The following ELL variants were observed in gnomAD, a reference collection of about 807,000 sequenced individuals.
ELL encodes the protein RNA polymerase II elongation factor ELL.
Under a neutral mutation model 64.0 loss-of-function variants are expected in ELL, and 18 were observed. That is an observed-to-expected ratio of 0.28 (90% CI 0.19 to 0.42). ELL has a LOEUF of 0.42. Ranked by LOEUF, ELL falls within the 10% of genes least tolerant of loss-of-function variation. The pLI is 1.00. For missense variants in ELL, 797 were observed against 870.4 expected (o/e 0.92, Z 1.06); for synonymous variants, 399 against 376.2 (o/e 1.06, Z -0.70).
chr19:18,445,525 G>C, intron 10 of ELL: 1 of 118,788 alleles, frequency 8.4e-6, no homozygotes, highest in Non-Finnish European at 1.6e-5. Context: ...GGACAAGGAA[G>C]TATCCATGTC....
intron 1 of ELL, among the ~76,000 whole-genome samples, chr19:18,518,458 C>G (rs559654670): frequency 6.6e-6 from 1 of 150,610 alleles, no homozygotes; most frequent in Non-Finnish European, 1.5e-5. Flanking sequence ...CCATTGCACT[C>G]CAGCCTGGAC....
chr19:18,455,303 CAAGATGGTGAA>C (rs1449014354), intron 6 of ELL, among the ~76,000 whole-genome samples: 1 of 150,744 alleles, frequency 6.6e-6, no homozygotes, highest in Admixed American at 6.6e-5. Flanking sequence ...CCAGCCTGGC[CAAGATGGTGAA>C]ACCCCATCTC....
chr19:18,476,993 G>A (rs914125330), intron 1 of ELL, among the ~76,000 whole-genome samples: 4 of 152,138 alleles, frequency 2.6e-5, no homozygotes, highest in African/African-American at 9.7e-5. Flanking sequence ...CTACAGACAC[G>A]TGAAGCAGCA....
intron 1 of ELL, among the ~76,000 whole-genome samples, chr19:18,477,993 A>C (rs1975215319): frequency 6.6e-6 from 1 of 152,160 alleles, no homozygotes; most frequent in African/African-American, 2.4e-5. Context: ...CACAGAAAGC[A>C]GCTGGGGTGC....
chr19:18,445,462 G>A (rs898821539), intron 10 of ELL, 194 bp from the exon 11 acceptor site: 28 of 592,282 alleles, frequency 4.7e-5, no homozygotes, highest in Admixed American at 1.6e-4. Context: ...AAAGGCTGCC[G>A]GGTCCCCTGG....
chr19:18,513,648 C>G (rs1976072833), intron 1 of ELL, among the ~76,000 whole-genome samples: 1 of 152,130 alleles, frequency 6.6e-6, no homozygotes, highest in Admixed American at 6.5e-5. Context: ...AACAGGAGTT[C>G]AGGCTGGGCC....
intron 10 of ELL, 84 bp downstream of exon 10, chr19:18,446,225 A>AGCAGGCTACTAG: frequency 7.1e-7 from 1 of 1,413,740 alleles, no homozygotes; most frequent in South Asian, 1.5e-5. Context: ...GGGGCCACCA[A>AGCAGGCTACTAG]GCTCGTGGTG....
intron 5 of ELL, among the ~76,000 whole-genome samples, chr19:18,460,679 T>C (rs1433287996): frequency 1.3e-5 from 2 of 152,208 alleles, no homozygotes; most frequent in Non-Finnish European, 2.9e-5. Flanking sequence ...GAACGTCCTT[T>C]ATACAGCTGC....
chr19:18,500,817 G>T (rs1000225932), intron 1 of ELL, among the ~76,000 whole-genome samples: 1 of 152,272 alleles, frequency 6.6e-6, no homozygotes, highest in Non-Finnish European at 1.5e-5. Flanking sequence ...TTTTTAATAC[G>T]TCACTGAGGT....
intron 1 of ELL, among the ~76,000 whole-genome samples, chr19:18,474,316 A>G (rs2144932535): frequency 6.6e-6 from 1 of 152,316 alleles, no homozygotes; most frequent in Non-Finnish European, 1.5e-5. Flanking sequence ...TACATATGAC[A>G]TGCATAGTGC....
chr19:18,509,300 G>C (rs956364976), intron 1 of ELL, among the ~76,000 whole-genome samples: 1 of 151,942 alleles, frequency 6.6e-6, no homozygotes, highest in African/African-American at 2.4e-5. Context: ...TCCACAGCAG[G>C]AAGCTCATTG....
intron 1 of ELL, among the ~76,000 whole-genome samples, chr19:18,494,295 A>T (rs891836050): frequency 1.3e-5 from 2 of 152,096 alleles, no homozygotes; most frequent in African/African-American, 2.4e-5. Context: ...AGAGAGAGAG[A>T]GAAAAAGGAG....
At chr19:18,511,625 C>T (rs1375427646) in intron 1 of ELL, among the ~76,000 whole-genome samples, 1 of 152,162 alleles carries the variant, frequency 6.6e-6, no homozygotes, top group African/African-American at 2.4e-5. Context: ...CACCACCCAC[C>T]ATACCACCGG....
At chr19:18,516,430 T>G (rs1280343004) in intron 1 of ELL, among the ~76,000 whole-genome samples, 2 of 152,144 alleles carry the variant, frequency 1.3e-5, no homozygotes, top group African/African-American at 4.8e-5. Context: ...TCACCATCAT[T>G]AACGTTGACC....
intron 4 of ELL, among the ~76,000 whole-genome samples, chr19:18,463,902 C>T (rs901209360): frequency 1.5e-4 from 22 of 150,748 alleles, no homozygotes; most frequent in African/African-American, 5.1e-4. Context: ...AGGAGAATGG[C>T]GTGAACCCGG....
rs1046187875 is a variant in ELL, at chr19:18,514,030, C to G, written c.135+7891G>C. ...CCCCTTCACAAACACATCTGCTGGC[C>G]TGGCTGCCTCAGTCAGGAGCCGTGT... On this transcript the variant is annotated intron_variant, in intron 1 of 11. Transcript: ENST00000262809. Among the ~76,000 whole-genome samples, 3 of 152,300 alleles carry G rather than the reference C, an allele frequency of 2.0e-5. No homozygotes were observed. The East Asian group carries it at 5.8e-4, about 29-fold the overall frequency.
chr19:18,521,907 GCCATGCCA>G lies in ELL; in HGVS notation c.135+6_135+13del. On this transcript the variant is annotated splice_donor_region_variant and intron_variant, in intron 1 of 11. Coordinates refer to ENST00000262809, the MANE Select transcript of ELL (RefSeq NM_006532.4). ...GACGTTCCCCACTGGCGCGCCGGGC[GCCATGCCA>G]CTCACCTGTCTGGCGCGGTAGCTCT... The G allele has an allele frequency of 6.4e-7, 1 of 1,572,968 alleles. No individual in the cohort carries two copies. Among genetic ancestry groups the G allele is most frequent in the Non-Finnish European group, 8.6e-7 (1 of 1,159,810 alleles).
intron 1 of ELL, among the ~76,000 whole-genome samples, chr19:18,494,392 G>GTT (rs1034539032): frequency 6.6e-6 from 1 of 151,618 alleles, no homozygotes; most frequent in African/African-American, 2.4e-5. Context: ...TTTCTTTTTT[G>GTT]TTTTTTTGTT....
intron 1 of ELL, among the ~76,000 whole-genome samples, chr19:18,499,216 C>T (rs536622683): frequency 3.1e-4 from 47 of 152,326 alleles, no homozygotes; most frequent in African/African-American, 1.1e-3. Context: ...CCACCAGCAG[C>T]TGCTGGGAAG....
Sources: allele counts gnomAD v4.1 joint callset (sites outside exome capture counted in the v4.1 genomes callset), GRCh38; gene constraint gnomAD v4.1.1; transcripts MANE v1.5; gene names NCBI Gene and HGNC (gene_info 2026-07-23, HGNC 2026-07-21).